The following MYO16 variants were observed in gnomAD, a reference collection of about 807,000 sequenced individuals.
MYO16 encodes unconventional myosin-XVI.
In MYO16, 94 loss-of-function variants were observed where a neutral mutation model predicts 205.3. That is an observed-to-expected ratio of 0.46 (90% CI 0.39 to 0.54). MYO16 has a LOEUF of 0.54. Ranked by LOEUF, MYO16 falls within the 20% of genes least tolerant of loss-of-function variation. MYO16 has a pLI of 0.00. For missense variants in MYO16, 2,315 were observed against 2,387.5 expected (o/e 0.97, Z 0.63); for synonymous variants, 988 against 954.0 (o/e 1.04, Z -0.66).
chr13:109,124,696 CATG>C (rs902218657), intron 29 of MYO16, among the ~76,000 whole-genome samples: 2 of 152,060 alleles, frequency 1.3e-5, no homozygotes, highest in Admixed American at 1.3e-4. Context: ...ACAATATATG[CATG>C]ATATTTCCAA....
intron 6 of MYO16, 126 bp from the exon 7 acceptor site, chr13:108,806,553 T>C: frequency 1.4e-6 from 1 of 698,358 alleles, no homozygotes; most frequent in Non-Finnish European, 2.2e-6. Context: ...GTATGTTCTT[T>C]TGTTTTTATG....
chr13:108,948,988 C>A (rs1027235843), intron 16 of MYO16, among the ~76,000 whole-genome samples: 4 of 152,188 alleles, frequency 2.6e-5, no homozygotes, highest in South Asian at 2.1e-4. Context: ...GGACAATAAA[C>A]AAGTTGGTTA....
At position 109,173,949 on chromosome 13, in the gene MYO16, G is replaced by GGC. The variant is rs1566548351; in HGVS notation, c.5324-5592_5324-5591insCG. Among the ~76,000 whole-genome samples the GGC allele has an allele frequency of 9.2e-5, 12 of 131,112 alleles. No homozygotes were observed. The East Asian group carries it at 2.9e-3, about 31-fold the overall frequency. The allele number at this position is 131,112 out of a possible 152,430, so 86.0% of individuals were successfully genotyped here. ...TGAAAGGGTTGTCCTTGTTTTGATG[G>GGC]GGGGGGGTACTCTCTGCTGTTTTGG... is the stretch of plus-strand genomic sequence containing the variant. On this transcript the variant is annotated intron_variant, in intron 33 of 34. Transcript: ENST00000457511.
rs67321937 is a variant in MYO16 at position 109,010,957 on chromosome 13, T to TTATATATATATATA, written c.2595+1914_2595+1927dup. On this transcript the variant is annotated intron_variant, in intron 22 of 34. Coordinates refer to ENST00000457511, the MANE Select transcript of MYO16 (RefSeq NM_001198950.3). Reference sequence around the variant, plus strand: ...TCTATTATATATATTACATATAATATTATATATATATATATATATTTCTTC... The same window carrying TTATATATATATATA: ...TCTATTATATATATTACATATAATATTATATATATATATATATATATATATATATATATTTCTTC... Among the ~76,000 whole-genome samples, 519 of 118,554 alleles carry TTATATATATATATA rather than the reference T, an allele frequency of 4.4e-3. 35 individuals are homozygous for TTATATATATATATA. The highest frequency in any genetic ancestry group is 6.7e-3 in the Non-Finnish European group (368 of 54,676). 77.8% of individuals were successfully genotyped at this position (118,554 alleles called of 152,430 possible).
chr13:108,499,074 G>T, the MYO16 span, among the ~76,000 whole-genome samples: 5,084 of 152,242 alleles, frequency 0.033, 113 homozygotes, highest in South Asian at 0.088. Flanking sequence ...GTGCTATTCA[G>T]TAAGGATTCA....
chr13:108,732,624 C>T (rs2139594536), intron 4 of MYO16, among the ~76,000 whole-genome samples: 1 of 152,228 alleles, frequency 6.6e-6, no homozygotes, highest in South Asian at 2.1e-4. Context: ...TGAGGTCAAG[C>T]CTTTGCAAGG....
chr13:108,918,815 T>C (rs1045748250), intron 16 of MYO16, among the ~76,000 whole-genome samples: 8 of 152,124 alleles, frequency 5.3e-5, no homozygotes, highest in African/African-American at 1.9e-4. Context: ...GGCAGGTGCC[T>C]GCAGTCCCAG....
chr13:108,971,604 A>T (rs1018926311), intron 20 of MYO16, among the ~76,000 whole-genome samples: 2 of 151,590 alleles, frequency 1.3e-5, no homozygotes, highest in African/African-American at 2.4e-5. Flanking sequence ...AATACATTAA[A>T]ATAAGTTGAG....
At chr13:108,712,993 A>G (rs1291162085) in intron 3 of MYO16, among the ~76,000 whole-genome samples, 1 of 152,200 alleles carries the variant, frequency 6.6e-6, no homozygotes, top group Non-Finnish European at 1.5e-5. Context: ...TATTGTATCA[A>G]TTATACAGTA....
At chr13:109,186,447 A>T (rs1879693061) in intron 34 of MYO16, among the ~76,000 whole-genome samples, 1 of 152,040 alleles carries the variant, frequency 6.6e-6, no homozygotes, top group Admixed American at 6.6e-5. Flanking sequence ...CAGAAAACCT[A>T]ATTCAGTGAT....
At chr13:109,156,758 C>T (rs1878066367) in intron 32 of MYO16, among the ~76,000 whole-genome samples, 1 of 152,146 alleles carries the variant, frequency 6.6e-6, no homozygotes, top group Admixed American at 6.5e-5. Flanking sequence ...TGGCCTGCAG[C>T]CCCTCCTGCA....
At chr13:108,516,999 T>C in the MYO16 span, among the ~76,000 whole-genome samples, 1 of 152,106 alleles carries the variant, frequency 6.6e-6, no homozygotes, top group Non-Finnish European at 1.5e-5. Context: ...GGTGTAATTG[T>C]AGCTTATTGT....
intron 24 of MYO16, 66 bp from the exon 25 acceptor site, chr13:109,052,234 G>T: frequency 1.4e-6 from 2 of 1,404,308 alleles, no homozygotes; most frequent in Non-Finnish European, 2.0e-6. Flanking sequence ...CTTGTATGAA[G>T]AATAAGTTCA....
At chr13:109,175,738 G>A (rs1015853622) in intron 33 of MYO16, among the ~76,000 whole-genome samples, 10 of 151,984 alleles carry the variant, frequency 6.6e-5, no homozygotes, top group African/African-American at 2.4e-4. Flanking sequence ...CTCAGAATGT[G>A]CAGAAGCTCC....
At chr13:108,884,415 T>C (rs2139169957) in intron 13 of MYO16, among the ~76,000 whole-genome samples, 1 of 152,168 alleles carries the variant, frequency 6.6e-6, no homozygotes, top group Admixed American at 6.5e-5. Flanking sequence ...CATTCTAAAC[T>C]CTAGGATAAG....
chr13:108,774,954 A>T (rs547310293), intron 4 of MYO16, among the ~76,000 whole-genome samples: 1 of 152,278 alleles, frequency 6.6e-6, no homozygotes, highest in South Asian at 2.1e-4. Flanking sequence ...TAAAAATATT[A>T]CTTAAGATTT....
rs1206137954 is a variant in MYO16 at position 109,140,841 on chromosome 13, C to A, written c.4629C>A (p.Val1543=). 3 of 1,597,592 alleles carry A rather than the reference C, an allele frequency of 1.9e-6. No homozygotes were observed. Among genetic ancestry groups the A allele is most frequent in the Non-Finnish European group, 2.6e-6 (3 of 1,173,688 alleles). ...LTPLEVKKLP[V]LETNLKYPVQ... is the part of the protein sequence containing the mutation. ...CCCTGGAGGTGAAGAAGCTGCCAGT[C>A]CTGGAGACCAACCTCAAGTACCCCG... The change falls in exon 32 of 35, where the codon GTC becomes GTA. Residue 1543 remains valine (V), a synonymous_variant. Transcript: ENST00000457511. This position sits in a 1 kb window ranked among gnomAD's most constrained non-coding sequence, Gnocchi z 8.0.
chr13:108,675,851 G>A lies in MYO16; in HGVS notation c.292+9702G>A, dbSNP rs77783597. 9.0e-3 allele frequency among the ~76,000 whole-genome samples: 1,378 copies of A among 152,288 alleles called. 22 individuals are homozygous for A. The highest frequency in any genetic ancestry group is 0.031 in the African/African-American group (1,305 of 41,550). ...TCTAACTCTGGAGTTCAGTCTGGGGGTTGATCTGTACTCTGATACTTAAGA... is the reference window on the plus strand; with the variant it reads ...TCTAACTCTGGAGTTCAGTCTGGGGATTGATCTGTACTCTGATACTTAAGA... On this transcript the variant is annotated intron_variant, in intron 2 of 34. Transcript: ENST00000457511.
intron 23 of MYO16, among the ~76,000 whole-genome samples, chr13:109,027,175 T>G (rs1292696742): frequency 6.6e-6 from 1 of 152,176 alleles, no homozygotes; most frequent in East Asian, 1.9e-4. Flanking sequence ...TTGGCATTCC[T>G]GCCTTACAGA....
Sources: allele counts gnomAD v4.1 joint callset (sites outside exome capture counted in the v4.1 genomes callset), GRCh38; gene constraint gnomAD v4.1.1; non-coding constraint Gnocchi (gnomAD v3.1); transcripts MANE v1.5; gene names NCBI Gene and HGNC (gene_info 2026-07-23, HGNC 2026-07-21).